SV2B: variants seen among roughly 807,000 people sequenced by gnomAD.
SV2B encodes solute carrier family 22 member B2.
A neutral mutation model predicts 73.9 loss-of-function variants in SV2B; 41 were observed. The ratio of observed to expected loss-of-function variants is 0.56; its 90% CI spans 0.43 to 0.72. The LOEUF is 0.72. Ranked by LOEUF, SV2B falls within the 30% of genes least tolerant of loss-of-function variation. The pLI, the probability that SV2B is intolerant of heterozygous loss-of-function variation, is 0.00. For synonymous variants in SV2B, 314 were observed against 314.2 expected, an observed-to-expected ratio of 1.00 and a Z score of 0.01; for missense variants, 764 against 857.8, an observed-to-expected ratio of 0.89 and a Z score of 1.37.
intron 9 of SV2B, among the ~76,000 whole-genome samples, chr15:91,272,828 C>CTTTT (rs869274294): frequency 1.7e-3 from 157 of 92,830 alleles, no homozygotes; most frequent in East Asian, 2.4e-3. Flanking sequence ...GCATATTCGT[C>CTTTT]TTTTTTTTTT....
chr15:91,107,284 AC>A (rs1345168777), intron 1 of SV2B, among the ~76,000 whole-genome samples: 1 of 92,462 alleles, frequency 1.1e-5, no homozygotes, highest in Non-Finnish European at 2.5e-5. Context: ...AGACTTCATT[AC>A]TTTATTTGTT....
chr15:91,178,106 T>A (rs1236113934), intron 1 of SV2B, among the ~76,000 whole-genome samples: 1 of 143,516 alleles, frequency 7.0e-6, no homozygotes. Flanking sequence ...GCATGAAGGT[T>A]GTTGAATTTT....
rs1189808556 is a variant in SV2B, at chr15:91,214,573, G to A, written c.-391-11300G>A. Among the ~76,000 whole-genome samples the A allele has an allele frequency of 6.6e-6, 1 of 152,204 alleles. No individual in the cohort carries two copies. The highest frequency in any genetic ancestry group is 2.4e-5 in the African/African-American group (1 of 41,458). On this transcript the variant is annotated intron_variant, in intron 1 of 12. Transcript: ENST00000394232. The surrounding 1 kb of genome is among the most constrained non-coding windows in gnomAD (Gnocchi z 4.7). ...AAACCTGCTCTGATTCACAGAACTT[G>A]CGAATGGCAGAGCTGGTATCTGTAA...
At chr15:91,152,894 C>G (rs1441826837) in intron 1 of SV2B, among the ~76,000 whole-genome samples, 1 of 152,220 alleles carries the variant, frequency 6.6e-6, no homozygotes, top group African/African-American at 2.4e-5. Flanking sequence ...ATACCTGAGA[C>G]CGGGCAATTT....
rs531893887 is a variant in SV2B, at chr15:91,256,929, G to A, written c.785-1492G>A. Among the ~76,000 whole-genome samples the A allele has an allele frequency of 7.2e-5, 11 of 152,290 alleles. No individual in the cohort carries two copies. In the South Asian group the frequency reaches 2.3e-3, roughly 32 times the overall value. On this transcript the variant is annotated intron_variant, in intron 4 of 12. Transcript: ENST00000394232. ...ATTCAAGGCAAGCTGTTTGCCACTG[G>A]AGTTGGTCATATGTTATATTTCTAG...
chr15:91,273,859 C>T (rs1037410333), intron 9 of SV2B, among the ~76,000 whole-genome samples: 6 of 152,250 alleles, frequency 3.9e-5, no homozygotes, highest in South Asian at 2.1e-4. Flanking sequence ...TTTACATTCA[C>T]GCATTTTTTA....
intron 1 of SV2B, among the ~76,000 whole-genome samples, chr15:91,109,742 A>C (rs976718893): frequency 8.5e-5 from 13 of 152,180 alleles, no homozygotes; most frequent in African/African-American, 3.1e-4. Flanking sequence ...AATAATTAAA[A>C]AAATTTTTTT....
chr15:91,165,415 T>A (rs2043878191), intron 1 of SV2B, among the ~76,000 whole-genome samples: 1 of 152,196 alleles, frequency 6.6e-6, no homozygotes, highest in East Asian at 1.9e-4. Flanking sequence ...CCCTAAACAA[T>A]ACAGTATAAC....
rs2048686183 is a variant in SV2B, at chr15:91,281,687, T to C, written c.1374-41T>C. ...TCCATTTTGGTCTTAAGTCTCTTTT[T>C]TTCTCAGATGAATCACTCAAGGGTC... is the stretch of plus-strand genomic sequence containing the variant. On this transcript the variant is annotated intron_variant, in intron 9 of 12. Coordinates refer to ENST00000394232, the MANE Select transcript of SV2B (RefSeq NM_001323032.3). The surrounding 1 kb of genome is among the most constrained non-coding windows in gnomAD (Gnocchi z 4.7). The C allele has an allele frequency of 6.6e-7, 1 of 1,521,770 alleles. No individual in the cohort carries two copies. Among genetic ancestry groups the C allele is most frequent in the South Asian group, 1.3e-5 (1 of 75,998 alleles). 94.3% of individuals were successfully genotyped at this position (1,521,770 alleles called of 1,614,324 possible).
chr15:91,288,641 CTT>C lies in SV2B; in HGVS notation c.1709-878_1709-877del, dbSNP rs1567437796. ...CTCTCTCTCTCTTTCTCTCTTCTTT[CTT>C]TCTCTCTCTCTCTCTCCTTCCTTCC... On this transcript the variant is annotated intron_variant, in intron 11 of 12. Transcript: ENST00000394232. This position sits in a 1 kb window ranked among gnomAD's most constrained non-coding sequence, Gnocchi z 5.8. Among the ~76,000 whole-genome samples, 1 of 151,248 alleles carries C rather than the reference CTT, an allele frequency of 6.6e-6. No individual in the cohort carries two copies. Among genetic ancestry groups the C allele is most frequent in the African/African-American group, 2.4e-5 (1 of 40,958 alleles).
At chr15:91,286,173 C>T (rs1444076359) in intron 11 of SV2B, among the ~76,000 whole-genome samples, 3 of 152,172 alleles carry the variant, frequency 2.0e-5, no homozygotes, top group African/African-American at 4.8e-5. Flanking sequence ...AAAAGGCCTA[C>T]ATGCAGTGGG....
chr15:91,216,134 G>A (rs945771004), intron 1 of SV2B, among the ~76,000 whole-genome samples: 3 of 152,158 alleles, frequency 2.0e-5, no homozygotes, highest in Admixed American at 2.0e-4. Flanking sequence ...GGCGAGTGCA[G>A]CAATTGTTGG....
rs1488511433 is a variant in SV2B at position 91,236,243 on chromosome 15, A to G, written c.451+9529A>G. Among the ~76,000 whole-genome samples the G allele has an allele frequency of 6.6e-6, 1 of 152,218 alleles. No homozygotes were observed. Among genetic ancestry groups the G allele is most frequent in the Non-Finnish European group, 1.5e-5 (1 of 68,044 alleles). ...TGCACCCTTCTGGAAGACCTGGTAA[A>G]TGAAAGATGTTTAGTAACTACCAAT... On this transcript the variant is annotated intron_variant, in intron 2 of 12. Coordinates refer to ENST00000394232, the MANE Select transcript of SV2B (RefSeq NM_001323032.3). The surrounding 1 kb of genome is among the most constrained non-coding windows in gnomAD (Gnocchi z 4.1).
At chr15:91,173,373 C>G (rs980706337) in intron 1 of SV2B, among the ~76,000 whole-genome samples, 1 of 152,134 alleles carries the variant, frequency 6.6e-6, no homozygotes, top group African/African-American at 2.4e-5. Context: ...ATTCTTGCTG[C>G]GTTGGAAGCC....
chr15:91,104,948 A>T (rs2151716870), intron 1 of SV2B, among the ~76,000 whole-genome samples: 1 of 152,284 alleles, frequency 6.6e-6, no homozygotes, highest in Admixed American at 6.5e-5. Context: ...TGAACATTTA[A>T]AGTGCTGTTG....
chr15:91,270,849 G>A (rs1428456409), intron 9 of SV2B, among the ~76,000 whole-genome samples: 1 of 130,348 alleles, frequency 7.7e-6, no homozygotes, highest in Admixed American at 7.3e-5. Context: ...TGGGGGGACG[G>A]TGAATCCTGT....
chr15:91,210,830 C>T (rs1324452949), intron 1 of SV2B, among the ~76,000 whole-genome samples: 2 of 152,188 alleles, frequency 1.3e-5, no homozygotes, highest in Non-Finnish European at 2.9e-5. Flanking sequence ...AGAGAGAGCC[C>T]TTTCTTTATA....
intron 1 of SV2B, among the ~76,000 whole-genome samples, chr15:91,120,582 G>A (rs1297183556): frequency 1.3e-5 from 2 of 152,092 alleles, no homozygotes; most frequent in African/African-American, 4.8e-5. Context: ...GGGAGGCTGA[G>A]GCAGGCAGAT....
chr15:91,194,062 C>T (rs917153426), intron 1 of SV2B, among the ~76,000 whole-genome samples: 3 of 151,164 alleles, frequency 2.0e-5, no homozygotes, highest in Admixed American at 1.3e-4. Flanking sequence ...ATGATGGGTT[C>T]GATGGTCAGG....
Sources: gnomAD v4.1 joint callset for allele counts (sites outside exome capture counted in the v4.1 genomes callset) on GRCh38, gnomAD v4.1.1 for gene constraint, Gnocchi (gnomAD v3.1) non-coding constraint, MANE v1.5 for transcripts, NCBI Gene and HGNC (gene_info 2026-07-23, HGNC 2026-07-21) for gene names.